Variants in SDK2 observed in about 807,000 individuals in gnomAD.
SDK2 encodes the protein sidekick cell adhesion molecule 2.
A neutral mutation model predicts 253.9 loss-of-function variants in SDK2; 105 were observed. That is an observed-to-expected ratio of 0.41 (90% CI 0.35 to 0.49). The LOEUF (loss-of-function observed/expected upper bound fraction) is 0.49. Ranked by LOEUF, SDK2 falls within the 20% of genes least tolerant of loss-of-function variation. The probability of loss-of-function intolerance (pLI) is 0.06; values close to 1 mark genes in which losing one functional copy is unlikely to be tolerated. For synonymous variants in SDK2, 1,249 were observed against 1,234.9 expected, an observed-to-expected ratio of 1.01 and a Z score of -0.24; for missense variants, 2,608 against 3,003.0, an observed-to-expected ratio of 0.87 and a Z score of 3.07.
At chr17:73,507,363 C>T (rs1471028596) in intron 2 of SDK2, 75 bp downstream of exon 2, 10 of 1,447,600 alleles carry the variant, frequency 6.9e-6, no homozygotes, top group Non-Finnish European at 9.3e-6. Flanking sequence ...CACAAACCCC[C>T]TCCTCACCAT....
chr17:73,453,689 T>G (rs1415111413), intron 4 of SDK2, among the ~76,000 whole-genome samples: 1 of 152,176 alleles, frequency 6.6e-6, no homozygotes, highest in Middle Eastern at 3.2e-3. Context: ...CTGAGCTGTT[T>G]TGTTACGCAG....
chr17:73,341,981 G>A (rs1253667493), intron 44 of SDK2, among the ~76,000 whole-genome samples: 1 of 151,996 alleles, frequency 6.6e-6, no homozygotes, highest in East Asian at 1.9e-4. Context: ...ATCCGGCCGG[G>A]CTTGAACTCC....
At chr17:73,479,732 C>T (rs1295957822) in intron 2 of SDK2, among the ~76,000 whole-genome samples, 1 of 152,068 alleles carries the variant, frequency 6.6e-6, no homozygotes, top group Non-Finnish European at 1.5e-5. Flanking sequence ...GCTCTGTCAC[C>T]CAGCCTGGAG....
intron 1 of SDK2, among the ~76,000 whole-genome samples, chr17:73,536,291 G>A (rs1339779260): frequency 6.6e-6 from 1 of 152,232 alleles, no homozygotes; most frequent in East Asian, 1.9e-4. Context: ...GCAGGTCACT[G>A]GGATCCAGAC....
intron 2 of SDK2, among the ~76,000 whole-genome samples, chr17:73,479,753 C>T (rs1172783758): frequency 1.3e-5 from 2 of 152,216 alleles, no homozygotes; most frequent in African/African-American, 2.4e-5. Context: ...TGCAATGGCA[C>T]AATCTCGGCT....
intron 1 of SDK2, among the ~76,000 whole-genome samples, chr17:73,549,276 G>C (rs1351810386): frequency 6.6e-6 from 1 of 152,218 alleles, no homozygotes; most frequent in African/African-American, 2.4e-5. Flanking sequence ...AGCCCTCCTT[G>C]ATTGTTGAGC....
In SDK2 at chr17:73,398,058, T is replaced by A; in HGVS notation, c.3331A>T (p.Thr1111Ser). 1.2e-6 allele frequency: 2 copies of A among 1,612,510 alleles called. No individual in the cohort carries two copies. Among genetic ancestry groups the A allele is most frequent in the South Asian group, 2.2e-5 (2 of 91,078 alleles). Reference sequence around the variant, plus strand: ...ACCATCCAGCGCAGCCACAGGCTGGTCTCACTGGCTGTGCGCAGAGACACA... The same window carrying A: ...ACCATCCAGCGCAGCCACAGGCTGGACTCACTGGCTGTGCGCAGAGACACA... ...ANVSLRTASETSLWLRWMPLP... is the reference protein window; with the variant it reads ...ANVSLRTASESSLWLRWMPLP... The change falls in exon 24 of 45, where the codon ACC becomes TCC. Residue 1111 changes from threonine (T) to serine (S), a missense_variant. Around this residue, in one of 2 missense-constraint regions of SDK2, gnomAD observed 1,505 missense variants for 1,859.1 expected, o/e 0.81. Coordinates refer to ENST00000392650, the MANE Select transcript of SDK2 (RefSeq NM_001144952.2).
chr17:73,635,187 C>T (rs978004437), intron 1 of SDK2, among the ~76,000 whole-genome samples: 1 of 152,028 alleles, frequency 6.6e-6, no homozygotes, highest in African/African-American at 2.4e-5. Flanking sequence ...GGGGTTTCAC[C>T]ATGTTGGCCA....
At chr17:73,592,939 G>A (rs768546882) in intron 1 of SDK2, among the ~76,000 whole-genome samples, 15 of 152,030 alleles carry the variant, frequency 9.9e-5, no homozygotes, top group South Asian at 2.1e-4. Flanking sequence ...TGTTTGCAGC[G>A]CATGGGGGTG....
At chr17:73,610,216 C>T (rs2045956283) in intron 1 of SDK2, among the ~76,000 whole-genome samples, 2 of 152,188 alleles carry the variant, frequency 1.3e-5, no homozygotes, top group Non-Finnish European at 1.5e-5. Context: ...GTTGTGTGCC[C>T]ATGCACAGGC....
At chr17:73,584,960 A>G (rs2045585437) in intron 1 of SDK2, among the ~76,000 whole-genome samples, 1 of 152,218 alleles carries the variant, frequency 6.6e-6, no homozygotes, top group South Asian at 2.1e-4. Flanking sequence ...GTTGCTGCTG[A>G]TTAGAAATCA....
chr17:73,532,559 C>T (rs1275827026), intron 1 of SDK2, among the ~76,000 whole-genome samples: 2 of 152,202 alleles, frequency 1.3e-5, no homozygotes, highest in African/African-American at 4.8e-5. Context: ...GCGGATGCAA[C>T]CAATTTAGCT....
chr17:73,600,246 T>C (rs985943102), intron 1 of SDK2, among the ~76,000 whole-genome samples: 1 of 152,224 alleles, frequency 6.6e-6, no homozygotes, highest in African/African-American at 2.4e-5. Flanking sequence ...AGCCCATGGA[T>C]GGCAGCCGTG....
rs2062850242 is a variant in SDK2 at position 73,383,728 on chromosome 17, T to C, written c.4705+148A>G. On this transcript the variant is annotated intron_variant, in intron 33 of 44. Transcript: ENST00000392650. This position sits in a 1 kb window ranked among gnomAD's most constrained non-coding sequence, Gnocchi z 4.3. ...AGTAAATATTCAGTAAATGAATGAATGGGATGGGAGGAGGGAGAGGCACAC... is the reference window on the plus strand; with the variant it reads ...AGTAAATATTCAGTAAATGAATGAACGGGATGGGAGGAGGGAGAGGCACAC... The C allele has an allele frequency of 1.1e-6, 1 of 882,560 alleles. No homozygotes were observed. Among genetic ancestry groups the C allele is most frequent in the Admixed American group, 2.6e-5 (1 of 39,118 alleles). 54.7% of individuals were successfully genotyped at this position (882,560 alleles called of 1,614,324 possible).
At chr17:73,475,833 A>G (rs1430512711) in intron 2 of SDK2, among the ~76,000 whole-genome samples, 1 of 152,220 alleles carries the variant, frequency 6.6e-6, no homozygotes, top group East Asian at 1.9e-4. Flanking sequence ...AATGTTTTAC[A>G]TCATACAAAC....
chr17:73,569,560 ATGGGGGTGGGG>A (rs1361792699), intron 1 of SDK2, among the ~76,000 whole-genome samples: 16 of 146,542 alleles, frequency 1.1e-4, no homozygotes, highest in Non-Finnish European at 2.1e-4. Flanking sequence ...GTGGTGAGGG[ATGGGGGTGGGG>A]ATTGCTTTCA....
chr17:73,494,508 G>A (rs943149517), intron 2 of SDK2, among the ~76,000 whole-genome samples: 1 of 152,234 alleles, frequency 6.6e-6, no homozygotes, highest in African/African-American at 2.4e-5. Flanking sequence ...GAGAGTGTGA[G>A]CAAACAGGTT....
At position 73,430,623 on chromosome 17, in the gene SDK2, A is replaced by G. The variant is rs199972374; in HGVS notation, c.1481-10T>C. The G allele has an allele frequency of 1.5e-5, 23 of 1,519,958 alleles. No individual in the cohort carries two copies. In the East Asian group the frequency reaches 2.9e-4, roughly 19 times the overall value. The allele number at this position is 1,519,958 out of a possible 1,614,324, so 94.2% of individuals were successfully genotyped here. On this transcript the variant is annotated splice_polypyrimidine_tract_variant and intron_variant, in intron 11 of 44. Transcript: ENST00000392650. Reference sequence around the variant, plus strand: ...GTGATGCGGGTCCGAGCTGAAAGATACAGCGGAGACAGCATGGTGAGAAGA... The same window carrying G: ...GTGATGCGGGTCCGAGCTGAAAGATGCAGCGGAGACAGCATGGTGAGAAGA...
Position 73,379,408 on chromosome 17 carries a change from G to T in SDK2, c.4864+40C>A. ...TTCCAGCTGAACTGGGTGGGGCTGG[G>T]AAAGGCATGCTGGGGCCGGACAGGG... On this transcript the variant is annotated intron_variant, in intron 35 of 44. Transcript: ENST00000392650. This position sits in a 1 kb window ranked among gnomAD's most constrained non-coding sequence, Gnocchi z 4.5. 1.3e-6 allele frequency: 2 copies of T among 1,547,286 alleles called. No individual in the cohort carries two copies. Among genetic ancestry groups the T allele is most frequent in the South Asian group, 1.2e-5 (1 of 85,046 alleles).
Sources: allele counts gnomAD v4.1 joint callset (sites outside exome capture counted in the v4.1 genomes callset), GRCh38; gene constraint gnomAD v4.1.1; regional missense constraint gnomAD v4.1.1; non-coding constraint Gnocchi (gnomAD v3.1); transcripts MANE v1.5; gene names NCBI Gene and HGNC (gene_info 2026-07-23, HGNC 2026-07-21).